The following PIK3C2G variants were observed in gnomAD, a reference collection of about 807,000 sequenced individuals.
PIK3C2G encodes the protein phosphatidylinositol 3-kinase C2 domain-containing subunit gamma.
A neutral mutation model predicts 181.1 loss-of-function variants in PIK3C2G; 168 were observed. That is an observed-to-expected ratio of 0.93 (90% CI 0.82 to 1.05). PIK3C2G has a LOEUF of 1.05. Ranked by LOEUF, PIK3C2G falls within the 50% of genes least tolerant of loss-of-function variation. PIK3C2G has a pLI of 0.00. For missense variants in PIK3C2G, 1,869 were observed against 1,732.8 expected, an observed-to-expected ratio of 1.08 and a Z score of -1.40; for synonymous variants, 573 against 592.2, an observed-to-expected ratio of 0.97 and a Z score of 0.47.
intron 11 of PIK3C2G, 67 bp downstream of exon 11, chr12:18,346,903 G>C: frequency 9.6e-7 from 1 of 1,041,168 alleles, no homozygotes; most frequent in Non-Finnish European, 1.4e-6. Context: ...AATGCAATTT[G>C]TCATGTTCTT....
chr12:18,696,914 C>T, the PIK3C2G span, among the ~76,000 whole-genome samples: 2 of 152,106 alleles, frequency 1.3e-5, no homozygotes, highest in Admixed American at 1.3e-4. Context: ...ATAATCTCTA[C>T]GTATTTGTAG....
chr12:18,286,930 G>A lies in PIK3C2G; in HGVS notation c.761+1G>A, dbSNP rs751610634. On this transcript the variant is annotated splice_donor_variant, in intron 3 of 32. Transcript: ENST00000538779. LOFTEE classifies it high-confidence loss of function. ...CCTCTTTTTGCAACAAAGTAAAAAA[G>A]TGAGTACTGGTATTTCATTAAACTT... The A allele has an allele frequency of 1.3e-6, 2 of 1,510,370 alleles. No individual in the cohort carries two copies. The highest frequency in any genetic ancestry group is 2.0e-5 in the Admixed American group (1 of 50,004). The allele number at this position is 1,510,370 out of a possible 1,614,324, so 93.6% of individuals were successfully genotyped here. A position where few individuals can be genotyped will look rare whatever the true frequency, so the allele number is the denominator to read the frequency against.
chr12:18,589,751 T>C (rs1946978173), intron 29 of PIK3C2G, among the ~76,000 whole-genome samples: 1 of 151,962 alleles, frequency 6.6e-6, no homozygotes, highest in Admixed American at 6.6e-5. Context: ...ACATAAGGAA[T>C]TTTGCCCATG....
chr12:18,255,636 C>T (rs970832705), intron 1 of PIK3C2G, among the ~76,000 whole-genome samples: 1 of 152,172 alleles, frequency 6.6e-6, no homozygotes, highest in Non-Finnish European at 1.5e-5. Flanking sequence ...CTAGAATAAT[C>T]AGGCATCGTT....
chr12:18,258,265 T>G (rs1259527577), upstream of PIK3C2G, among the ~76,000 whole-genome samples: 2 of 140,782 alleles, frequency 1.4e-5, no homozygotes, highest in Non-Finnish European at 3.2e-5. Flanking sequence ...CTATATACAT[T>G]ACTTCCCATA....
intron 5 of PIK3C2G, among the ~76,000 whole-genome samples, chr12:18,306,509 T>G (rs1950426824): frequency 6.6e-6 from 1 of 152,024 alleles, no homozygotes; most frequent in African/African-American, 2.4e-5. Flanking sequence ...CTATGCTGAG[T>G]CAGCTCCAAA....
At chr12:18,257,683 A>C (rs1764841425), upstream of PIK3C2G, among the ~76,000 whole-genome samples, 1 of 151,548 alleles carries the variant, frequency 6.6e-6, no homozygotes, top group Non-Finnish European at 1.5e-5. Context: ...AGAGAAAGAA[A>C]GAAGAAAAAA....
intron 5 of PIK3C2G, among the ~76,000 whole-genome samples, chr12:18,304,420 C>A (rs922883219): frequency 6.6e-6 from 1 of 152,210 alleles, no homozygotes; most frequent in Non-Finnish European, 1.5e-5. Flanking sequence ...CCATGCCCAG[C>A]TAATTTTTGT....
the PIK3C2G span, among the ~76,000 whole-genome samples, chr12:18,711,134 T>A: frequency 1.3e-5 from 2 of 151,768 alleles, no homozygotes; most frequent in African/African-American, 4.8e-5. Context: ...GGAACCAACC[T>A]AAATATCCAA....
chr12:18,627,905 G>C (rs906089283), intron 31 of PIK3C2G, among the ~76,000 whole-genome samples: 13 of 152,210 alleles, frequency 8.5e-5, no homozygotes, highest in Middle Eastern at 3.4e-3. Flanking sequence ...CTAAAGAAAA[G>C]ATGAAAAATT....
intron 29 of PIK3C2G, among the ~76,000 whole-genome samples, chr12:18,574,148 C>T (rs919658830): frequency 1.3e-5 from 2 of 152,142 alleles, no homozygotes; most frequent in Non-Finnish European, 2.9e-5. Flanking sequence ...CATAGGGAGG[C>T]ACCAAACTAA....
Position 18,558,501 on chromosome 12 carries a change from C to G in PIK3C2G, c.3591-4202C>G, listed in dbSNP as rs546677046. Among the ~76,000 whole-genome samples the G allele has an allele frequency of 3.3e-5, 5 of 152,326 alleles. No individual in the cohort carries two copies. In the South Asian group the frequency reaches 1.0e-3, roughly 32 times the overall value. ...ACAATTGTGATTCTTCTCTAACTCTCATCTCACACAAAGTCAAAGTTCTTA... is the reference window on the plus strand; with the variant it reads ...ACAATTGTGATTCTTCTCTAACTCTGATCTCACACAAAGTCAAAGTTCTTA... On this transcript the variant is annotated intron_variant, in intron 26 of 32. Transcript: ENST00000538779.
At chr12:18,699,900 C>T in the PIK3C2G span, 37 of 1,612,192 alleles carry the variant, frequency 2.3e-5, no homozygotes, top group African/African-American at 5.4e-5. Flanking sequence ...TCTCAGCTTT[C>T]GTATAAATGA....
chr12:18,324,157 C>G (rs973477450), intron 7 of PIK3C2G, among the ~76,000 whole-genome samples: 1 of 151,982 alleles, frequency 6.6e-6, no homozygotes, highest in African/African-American at 2.4e-5. Flanking sequence ...GGGGGCGGAG[C>G]CTGCAGTGAG....
intron 29 of PIK3C2G, among the ~76,000 whole-genome samples, chr12:18,594,113 C>T (rs1426979401): frequency 6.6e-6 from 1 of 151,912 alleles, no homozygotes; most frequent in Non-Finnish European, 1.5e-5. Context: ...CTGAGCCTGT[C>T]TGTCCCACTC....
chr12:18,691,172 A>G, the PIK3C2G span, among the ~76,000 whole-genome samples: 3 of 152,254 alleles, frequency 2.0e-5, no homozygotes, highest in Middle Eastern at 3.4e-3. Flanking sequence ...GTTGGTCTGG[A>G]TGTGGGATGT....
In PIK3C2G at chr12:18,648,020, A is replaced by G. The variant is rs1314804543; in HGVS notation, c.4453A>G (p.Ile1485Val). Residue 1485 changes from isoleucine (I) to valine (V), a missense_variant, in exon 33 of 33, where the codon ATA becomes GTA. Transcript: ENST00000538779. The stretch of plus-strand genomic sequence containing the variant: ...AAAATGGTATCCATTAGGAAACAGT[A>G]TAATTTGACCATTGCTATGAACATA... ...KEKWYPLGNSII is the reference protein window; with the variant it reads ...KEKWYPLGNSVI 1.3e-6 allele frequency: 2 copies of G among 1,590,096 alleles called. No homozygotes were observed. Among genetic ancestry groups the G allele is most frequent in the Admixed American group, 1.8e-5 (1 of 56,918 alleles).
chr12:18,333,631 T>C (rs1565608023), intron 8 of PIK3C2G, among the ~76,000 whole-genome samples: 1 of 152,158 alleles, frequency 6.6e-6, no homozygotes, highest in Non-Finnish European at 1.5e-5. Context: ...CATCCTTTTT[T>C]ATATTTTAAG....
intron 8 of PIK3C2G, among the ~76,000 whole-genome samples, chr12:18,326,626 G>T (rs1349710466): frequency 6.6e-6 from 1 of 152,026 alleles, no homozygotes; most frequent in African/African-American, 2.4e-5. Context: ...GCTCCAGCCT[G>T]GTCTGAGTCT....
Sources: gnomAD v4.1 joint callset for allele counts (sites outside exome capture counted in the v4.1 genomes callset) on GRCh38, gnomAD v4.1.1 for gene constraint, MANE v1.5 for transcripts, NCBI Gene and HGNC (gene_info 2026-07-23, HGNC 2026-07-21) for gene names.